The following PCDHA5 variants were observed in gnomAD, a reference collection of about 807,000 sequenced individuals.
PCDHA5 encodes the protein protocadherin alpha 5.
In PCDHA5, 43 loss-of-function variants were observed where a neutral mutation model predicts 61.6. That is an observed-to-expected ratio of 0.70 (90% CI 0.55 to 0.90). PCDHA5 has a LOEUF of 0.90. PCDHA5 is among the 40% of genes least tolerant of loss of function. PCDHA5 has a pLI of 0.00. For synonymous variants in PCDHA5, 627 were observed against 543.9 expected (o/e 1.15, Z -2.13); for missense variants, 1,298 against 1,222.7 (o/e 1.06, Z -0.92).
intron 2 of PCDHA5, 93 bp downstream of exon 2, chr5:140,979,100 A>C (rs1325676942): frequency 6.5e-7 from 1 of 1,545,710 alleles, no homozygotes; most frequent in African/African-American, 1.4e-5. Context: ...CAGCTGTCAA[A>C]ACTAAAAAGC....
At chr5:140,887,249 A>AC (rs1367463344) in intron 1 of PCDHA5, among the ~76,000 whole-genome samples, 3 of 151,838 alleles carry the variant, frequency 2.0e-5, no homozygotes, top group Non-Finnish European at 4.4e-5. Context: ...GGCGCCCGCC[A>AC]CCACGCCCTG....
intron 1 of PCDHA5, chr5:140,876,169 C>T (rs782706242): frequency 3.1e-6 from 5 of 1,613,798 alleles, no homozygotes; most frequent in Non-Finnish European, 4.2e-6. Context: ...AATAACCGTC[C>T]TGGATGTGAA....
At position 141,010,636 on chromosome 5, in the gene PCDHA5, A is replaced by G; in HGVS notation, c.*699A>G. On this transcript the variant is annotated 3_prime_UTR_variant, in exon 4 of 4. Coordinates refer to ENST00000529859, the MANE Select transcript of PCDHA5 (RefSeq NM_018908.3). ...AAAATCTGCATCATACCTGCAAGCC[A>G]ACAGTTCAGTGTTTTAACAGAGAAC... is the stretch of plus-strand genomic sequence containing the variant. 1 of 183,300 alleles carries G rather than the reference A, an allele frequency of 5.5e-6. No individual in the cohort carries two copies. The highest frequency in any genetic ancestry group is 1.2e-5 in the Non-Finnish European group (1 of 86,478). 11.4% of individuals were successfully genotyped at this position (183,300 alleles called of 1,614,324 possible). A position where few individuals can be genotyped will look rare whatever the true frequency, so the allele number is the denominator to read the frequency against.
At chr5:140,899,255 C>A (rs532751288) in intron 1 of PCDHA5, among the ~76,000 whole-genome samples, 1 of 152,258 alleles carries the variant, frequency 6.6e-6, no homozygotes, top group East Asian at 1.9e-4. Flanking sequence ...GAGAGGGCAT[C>A]CCTGTCTTGT....
At position 140,859,521 on chromosome 5, in the gene PCDHA5, A is replaced by T. The variant is rs187641727; in HGVS notation, c.2352+35394A>T. 138 of 194,130 alleles carry T rather than the reference A, an allele frequency of 7.1e-4. 7 individuals are homozygous for T. The highest frequency in any genetic ancestry group is 1.9e-3 in the East Asian group (11 of 5,678). 12.0% of individuals were successfully genotyped at this position (194,130 alleles called of 1,614,324 possible). A position where few individuals can be genotyped will look rare whatever the true frequency, so the allele number is the denominator to read the frequency against. On this transcript the variant is annotated intron_variant, in intron 1 of 3. Coordinates refer to ENST00000529859, the MANE Select transcript of PCDHA5 (RefSeq NM_018908.3). ...ACCTGATACCCATGATTTCATTTTTAAAAAAAATTTATTAATTCTAGTGTT... is the reference window on the plus strand; with the variant it reads ...ACCTGATACCCATGATTTCATTTTTTAAAAAAATTTATTAATTCTAGTGTT...
intron 1 of PCDHA5, among the ~76,000 whole-genome samples, chr5:140,942,287 G>A (rs1468201947): frequency 1.3e-5 from 2 of 152,102 alleles, no homozygotes; most frequent in African/African-American, 4.8e-5. Context: ...GCTCATGCCT[G>A]TAATCCTAGC....
intron 1 of PCDHA5, chr5:140,869,090 C>G (rs150845602): frequency 1.3e-6 from 2 of 1,589,674 alleles, no homozygotes; most frequent in African/African-American, 1.4e-5. Context: ...TTTTGGAAGC[C>G]AATTTCGTAT....
rs1007708043 is a variant in PCDHA5 at position 140,967,271 on chromosome 5, A to G, written c.2353-11678A>G. 3.1e-6 allele frequency: 5 copies of G among 1,613,338 alleles called. No individual in the cohort carries two copies. The South Asian group carries it at 5.5e-5, about 18-fold the overall frequency. On this transcript the variant is annotated intron_variant, in intron 1 of 3. Transcript: ENST00000529859. The stretch of plus-strand genomic sequence containing the variant: ...GGTGGCGCCTGGAGCGCGCTTTCAC[A>G]TAGAGAGTGCGCAGGACCCCGACGT...
chr5:140,956,701 G>T (rs549659732), intron 1 of PCDHA5, among the ~76,000 whole-genome samples: 1 of 152,138 alleles, frequency 6.6e-6, no homozygotes, highest in Non-Finnish European at 1.5e-5. Context: ...CCATTGTTTG[G>T]AATAGCTTCA....
Position 140,876,213 on chromosome 5 carries a change from T to G in PCDHA5, c.2352+52086T>G, listed in dbSNP as rs782372222. On this transcript the variant is annotated intron_variant, in intron 1 of 3. Transcript: ENST00000529859. ...GTCCGGCGTTTGATAAGCCCAGCTA[T>G]AAAGTAGTGTTGTCTGAAAATGTCC... The G allele has an allele frequency of 3.1e-6, 5 of 1,613,846 alleles. No individual in the cohort carries two copies. The East Asian group carries it at 1.1e-4, about 36-fold the overall frequency.
chr5:140,927,980 G>A, intron 1 of PCDHA5: 2 of 1,614,220 alleles, frequency 1.2e-6, no homozygotes, highest in Non-Finnish European at 1.7e-6. Flanking sequence ...GCTCTCTTTA[G>A]TGTAAAGGAT....
At chr5:140,924,104 C>A (rs538996937) in intron 1 of PCDHA5, among the ~76,000 whole-genome samples, 20 of 152,306 alleles carry the variant, frequency 1.3e-4, no homozygotes, top group Middle Eastern at 6.8e-3. Context: ...AATTTTCATT[C>A]CAAAGCAGTT....
At chr5:140,946,219 G>A (rs2093905754) in intron 1 of PCDHA5, among the ~76,000 whole-genome samples, 1 of 151,856 alleles carries the variant, frequency 6.6e-6, no homozygotes, top group Non-Finnish European at 1.5e-5. Context: ...TGACCAACAG[G>A]TATACTAAAA....
chr5:140,848,620 G>A lies in PCDHA5; in HGVS notation c.2352+24493G>A, dbSNP rs149227021. 3.5e-4 allele frequency: 562 copies of A among 1,593,402 alleles called. 59 individuals are homozygous for A. Among genetic ancestry groups the A allele is most frequent in the Non-Finnish European group, 4.4e-4 (511 of 1,163,966 alleles). On this transcript the variant is annotated intron_variant, in intron 1 of 3. Coordinates refer to ENST00000529859, the MANE Select transcript of PCDHA5 (RefSeq NM_018908.3). Reference sequence around the variant, plus strand: ...TCCGTCCCGGAGGAAGCCGAACACGGCACCTTCGTGGGCCGCATCGCGCAG... The same window carrying A: ...TCCGTCCCGGAGGAAGCCGAACACGACACCTTCGTGGGCCGCATCGCGCAG...
At chr5:140,882,675 G>C in intron 1 of PCDHA5, 1 of 1,614,218 alleles carries the variant, frequency 6.2e-7, no homozygotes, top group East Asian at 2.2e-5. Flanking sequence ...TTCCCTGAAA[G>C]CAAGAAACGA....
At chr5:140,927,306 G>A (rs782091835) in intron 1 of PCDHA5, 1 of 1,614,158 alleles carries the variant, frequency 6.2e-7, no homozygotes, top group Admixed American at 1.7e-5. Flanking sequence ...AGTTCCTGAC[G>A]CCCGGAGCCC....
At chr5:141,007,878 C>G (rs1316002060) in intron 3 of PCDHA5, among the ~76,000 whole-genome samples, 5 of 152,212 alleles carry the variant, frequency 3.3e-5, no homozygotes, top group African/African-American at 7.2e-5. Flanking sequence ...TTGTCTTACA[C>G]TTCTTTAAAA....
chr5:140,998,003 T>C (rs2097793100), intron 3 of PCDHA5, among the ~76,000 whole-genome samples: 1 of 152,134 alleles, frequency 6.6e-6, no homozygotes, highest in Admixed American at 6.6e-5. Context: ...CCTCTGAGCC[T>C]TCCATCCCCA....
At chr5:140,948,897 T>C (rs1487067374) in intron 1 of PCDHA5, among the ~76,000 whole-genome samples, 1 of 151,680 alleles carries the variant, frequency 6.6e-6, no homozygotes. Context: ...AGATTTTAAG[T>C]GGATTCTTAG....
Sources: gnomAD v4.1 joint callset for allele counts (sites outside exome capture counted in the v4.1 genomes callset) on GRCh38, gnomAD v4.1.1 for gene constraint, MANE v1.5 for transcripts, NCBI Gene and HGNC (gene_info 2026-07-23, HGNC 2026-07-21) for gene names.